The following PDE7A variants were observed in gnomAD, a reference collection of about 807,000 sequenced individuals.
PDE7A encodes high affinity 3',5'-cyclic-AMP phosphodiesterase 7A.
Under a neutral mutation model 64.3 loss-of-function variants are expected in PDE7A, and 39 were observed. The ratio of observed to expected loss-of-function variants is 0.61; its 90% CI spans 0.47 to 0.79. The LOEUF (loss-of-function observed/expected upper bound fraction) is 0.79. Among genes scored for constraint, PDE7A ranks in the 30% least tolerant of loss-of-function variants. PDE7A has a pLI of 0.00. For synonymous variants in PDE7A, 203 were observed against 206.8 expected (o/e 0.98, Z 0.16); for missense variants, 470 against 582.8 (o/e 0.81, Z 1.99).
chr8:65,841,045 A>C (rs2128936466), intron 1 of PDE7A, among the ~76,000 whole-genome samples: 1 of 152,282 alleles, frequency 6.6e-6, no homozygotes, highest in South Asian at 2.1e-4. Context: ...ACGACTAAGG[A>C]ATAAAGACTC....
At chr8:65,803,774 G>A (rs1031113050) in intron 1 of PDE7A, among the ~76,000 whole-genome samples, 3 of 152,106 alleles carry the variant, frequency 2.0e-5, no homozygotes, top group Admixed American at 2.0e-4. Flanking sequence ...ATGTATGAGA[G>A]TTTTTAAGTT....
intron 6 of PDE7A, among the ~76,000 whole-genome samples, chr8:65,739,225 T>G (rs1807292463): frequency 6.6e-6 from 1 of 152,236 alleles, no homozygotes; most frequent in Non-Finnish European, 1.5e-5. Flanking sequence ...CCGAGATGGG[T>G]CAGGCCTGGT....
intron 3 of PDE7A, among the ~76,000 whole-genome samples, chr8:65,771,929 T>C (rs1286486311): frequency 1.8e-5 from 2 of 109,936 alleles, no homozygotes; most frequent in African/African-American, 3.4e-5. Flanking sequence ...AAGAAGGAAA[T>C]ATCCTGAAAG....
intron 1 of PDE7A, among the ~76,000 whole-genome samples, chr8:65,799,417 T>C (rs1466760050): frequency 6.6e-6 from 1 of 152,056 alleles, no homozygotes; most frequent in Non-Finnish European, 1.5e-5. Flanking sequence ...AGGAAGTCAC[T>C]GAGAGGTTTC....
chr8:65,813,567 A>G (rs1009039569), intron 1 of PDE7A, among the ~76,000 whole-genome samples: 1 of 152,236 alleles, frequency 6.6e-6, no homozygotes, highest in Non-Finnish European at 1.5e-5. Context: ...AGACAAAAAT[A>G]TAAAAACAAG....
intron 1 of PDE7A, chr8:65,838,796 T>A (rs1811009891): frequency 6.6e-6 from 1 of 152,238 alleles, no homozygotes; most frequent in Non-Finnish European, 1.5e-5. Flanking sequence ...CTGCTGTCAG[T>A]GTGAACTGAC....
chr8:65,823,876 A>G (rs1810601587), intron 1 of PDE7A, among the ~76,000 whole-genome samples: 1 of 152,212 alleles, frequency 6.6e-6, no homozygotes, highest in Non-Finnish European at 1.5e-5. Context: ...ATCTGGCAGT[A>G]CAAGTAGGAC....
intron 1 of PDE7A, among the ~76,000 whole-genome samples, chr8:65,790,307 T>A (rs998905788): frequency 6.6e-5 from 10 of 152,148 alleles, no homozygotes; most frequent in African/African-American, 2.2e-4. Flanking sequence ...GTAGTAGATT[T>A]TGCTTTTTAA....
At chr8:65,789,117 C>T in intron 1 of PDE7A, 3 of 1,282,664 alleles carry the variant, frequency 2.3e-6, no homozygotes, top group Non-Finnish European at 3.0e-6. Context: ...TGGGAATGCA[C>T]TACCCAGCCA....
At chr8:65,782,652 A>C (rs1809448602) in intron 2 of PDE7A, 131 bp downstream of exon 2, 2 of 592,934 alleles carry the variant, frequency 3.4e-6, no homozygotes, top group Non-Finnish European at 6.0e-6. Context: ...TCCAGACTCT[A>C]AACTCCATGA....
intron 3 of PDE7A, among the ~76,000 whole-genome samples, chr8:65,775,319 G>A (rs552987758): frequency 2.5e-4 from 38 of 152,062 alleles, no homozygotes; most frequent in Non-Finnish European, 4.3e-4. Flanking sequence ...TTTTCTTAGT[G>A]TATTTTGATA....
chr8:65,776,335 T>A (rs1388055515), intron 3 of PDE7A, among the ~76,000 whole-genome samples: 3 of 152,186 alleles, frequency 2.0e-5, no homozygotes, highest in Non-Finnish European at 2.9e-5. Flanking sequence ...TGAATTAACA[T>A]CACCTTGACT....
chr8:65,767,955 G>A (rs1238204221), intron 3 of PDE7A, among the ~76,000 whole-genome samples: 1 of 152,202 alleles, frequency 6.6e-6, no homozygotes, highest in Non-Finnish European at 1.5e-5. Context: ...CTTGTGACTG[G>A]TGTCTGGGTT....
chr8:65,785,487 G>A (rs918576785), intron 1 of PDE7A, among the ~76,000 whole-genome samples: 13 of 152,094 alleles, frequency 8.5e-5, no homozygotes, highest in African/African-American at 3.1e-4. Flanking sequence ...GCCTCCTGCA[G>A]TGTTTCATGG....
rs1010444726 is a variant in PDE7A, at chr8:65,716,554, T to C, written c.*2736A>G. On this transcript the variant is annotated 3_prime_UTR_variant, in exon 13 of 13. Coordinates refer to ENST00000401827, the MANE Select transcript of PDE7A (RefSeq NM_001242318.3). ...GGTCTTCTGTGCACCCAAAGGGACA[T>C]GGGTGCACGAGGCAACTTGCTTCCC... Among the ~76,000 whole-genome samples, 18 of 152,058 alleles carry C rather than the reference T, an allele frequency of 1.2e-4. No individual in the cohort carries two copies. The highest frequency in any genetic ancestry group is 1.9e-4 in the Non-Finnish European group (13 of 67,996).
At chr8:65,790,454 T>C (rs1809670430) in intron 1 of PDE7A, among the ~76,000 whole-genome samples, 5 of 152,172 alleles carry the variant, frequency 3.3e-5, no homozygotes, top group Admixed American at 3.3e-4. Context: ...CTGCAGTCCA[T>C]GACAAGACAA....
At position 65,831,209 on chromosome 8, in the gene PDE7A, T is replaced by C. The variant is rs183903547; in HGVS notation, c.138+10162A>G. ...TTATACTAAAGGTCAGAATATATCA[T>C]TAGTGCTAACCTTTCTACTGGACAT... On this transcript the variant is annotated intron_variant, in intron 1 of 12. Coordinates refer to ENST00000401827, the MANE Select transcript of PDE7A (RefSeq NM_001242318.3). Among the ~76,000 whole-genome samples the C allele has an allele frequency of 2.4e-4, 37 of 152,268 alleles. No individual in the cohort carries two copies. The East Asian group carries it at 7.1e-3, about 29-fold the overall frequency.
At chr8:65,737,497 T>A (rs1807192088) in intron 6 of PDE7A, among the ~76,000 whole-genome samples, 1 of 152,164 alleles carries the variant, frequency 6.6e-6, no homozygotes, top group Non-Finnish European at 1.5e-5. Context: ...GCAAAAATGG[T>A]TATATTAATT....
intron 2 of PDE7A, 31 bp from the exon 3 acceptor site, chr8:65,779,834 T>C: frequency 7.2e-7 from 1 of 1,398,156 alleles, no homozygotes; most frequent in Non-Finnish European, 1.0e-6. Flanking sequence ...AACATAAGTT[T>C]AGAAGGTTGT....
Sources: allele counts gnomAD v4.1 joint callset (sites outside exome capture counted in the v4.1 genomes callset), GRCh38; gene constraint gnomAD v4.1.1; transcripts MANE v1.5; gene names NCBI Gene and HGNC (gene_info 2026-07-23, HGNC 2026-07-21).